The following MINDY3 variants were observed in gnomAD, a reference collection of about 807,000 sequenced individuals.
MINDY3 encodes ubiquitin carboxyl-terminal hydrolase MINDY-3.
Under a neutral mutation model 69.2 loss-of-function variants are expected in MINDY3, and 38 were observed. The ratio of observed to expected loss-of-function variants is 0.55; its 90% CI spans 0.42 to 0.72. The LOEUF (loss-of-function observed/expected upper bound fraction) is 0.72, where lower values mean the gene tolerates loss of function less well. Among genes scored for constraint, MINDY3 ranks in the 30% least tolerant of loss-of-function variants. The probability of loss-of-function intolerance (pLI) is 0.00; values close to 1 mark genes in which losing one functional copy is unlikely to be tolerated. For missense variants in MINDY3, 522 were observed against 519.0 expected (o/e 1.01, Z -0.06); for synonymous variants, 192 against 180.1 (o/e 1.07, Z -0.53).
rs563139029 is a variant in MINDY3, at chr10:15,852,443, G to A, written c.95-4500C>T. Among the ~76,000 whole-genome samples, 10 of 152,248 alleles carry A rather than the reference G, an allele frequency of 6.6e-5. No individual in the cohort carries two copies. The East Asian group carries it at 1.9e-3, about 29-fold the overall frequency. Reference sequence around the variant, plus strand: ...AATTTCAATCATCTTAAACATGTCAGTTAAAGTGAATGAGAACTTGTAAAA... The same window carrying A: ...AATTTCAATCATCTTAAACATGTCAATTAAAGTGAATGAGAACTTGTAAAA... On this transcript the variant is annotated intron_variant, in intron 1 of 14. Transcript: ENST00000277632.
chr10:15,808,734 T>A (rs1017342497), intron 10 of MINDY3, among the ~76,000 whole-genome samples: 4 of 152,084 alleles, frequency 2.6e-5, no homozygotes, highest in Non-Finnish European at 4.4e-5. Context: ...AAAGGAAAGG[T>A]CAAAGGTGAG....
At chr10:15,797,887 G>A (rs114800746) in intron 10 of MINDY3, among the ~76,000 whole-genome samples, 2,248 of 152,160 alleles carry the variant, frequency 0.015, 48 homozygotes, top group African/African-American at 0.049. Context: ...ATAAGCTTTA[G>A]CTCCCTTAAC....
intron 8 of MINDY3, among the ~76,000 whole-genome samples, chr10:15,825,566 TTC>T (rs1840032443): frequency 6.6e-6 from 1 of 152,184 alleles, no homozygotes; most frequent in Admixed American, 6.5e-5. Context: ...CTCATTCAGT[TTC>T]TGACTGCATT....
At chr10:15,801,568 C>T (rs1838261160) in intron 10 of MINDY3, among the ~76,000 whole-genome samples, 1 of 152,034 alleles carries the variant, frequency 6.6e-6, no homozygotes, top group Admixed American at 6.6e-5. Context: ...TGCCCTCAAA[C>T]ACAACATCAC....
intron 10 of MINDY3, among the ~76,000 whole-genome samples, chr10:15,807,519 A>C (rs1237463841): frequency 2.0e-5 from 3 of 152,122 alleles, no homozygotes; most frequent in Non-Finnish European, 4.4e-5. Flanking sequence ...TTAACCATAC[A>C]AGACCTTTTT....
intron 10 of MINDY3, among the ~76,000 whole-genome samples, chr10:15,814,021 C>A (rs1410435913): frequency 2.0e-5 from 3 of 150,492 alleles, no homozygotes; most frequent in African/African-American, 7.3e-5. Flanking sequence ...AAACCCACAG[C>A]CAAAACTGCT....
chr10:15,815,711 C>T (rs971783103), intron 10 of MINDY3, among the ~76,000 whole-genome samples: 2 of 152,144 alleles, frequency 1.3e-5, no homozygotes, highest in Non-Finnish European at 2.9e-5. Flanking sequence ...AAAATTTACT[C>T]AGCATTTAAT....
chr10:15,794,098 G>T (rs916393477), intron 11 of MINDY3, among the ~76,000 whole-genome samples: 1 of 152,006 alleles, frequency 6.6e-6, no homozygotes, highest in Non-Finnish European at 1.5e-5. Context: ...GTGAGATAAA[G>T]ATATAAAAAT....
At chr10:15,833,833 A>T (rs1832898375) in intron 7 of MINDY3, 124 bp from the exon 8 acceptor site, 4 of 682,838 alleles carry the variant, frequency 5.9e-6, no homozygotes, top group Non-Finnish European at 1.0e-5. Context: ...AAAGTTAGGG[A>T]AAACCTTACA....
At chr10:15,826,600 G>A (rs1840101569) in intron 8 of MINDY3, among the ~76,000 whole-genome samples, 1 of 152,132 alleles carries the variant, frequency 6.6e-6, no homozygotes, top group Non-Finnish European at 1.5e-5. Flanking sequence ...AACTGGAATA[G>A]ATAATGTAGA....
In MINDY3 at chr10:15,803,843, A is replaced by G. The variant is rs535957931; in HGVS notation, c.883-7671T>C. On this transcript the variant is annotated intron_variant, in intron 10 of 14. Transcript: ENST00000277632. ...CTACACTCCCCCACCACACACACAA[A>G]AAACCCCACGAATGATAATTAAGTA... Among the ~76,000 whole-genome samples the G allele has an allele frequency of 5.3e-5, 8 of 152,242 alleles. No homozygotes were observed. In the East Asian group the frequency reaches 1.5e-3, roughly 29 times the overall value.
rs1481233746 is a variant in MINDY3 at position 15,802,141 on chromosome 10, T to A, written c.883-5969A>T. Among the ~76,000 whole-genome samples, 3 of 152,000 alleles carry A rather than the reference T, an allele frequency of 2.0e-5. No individual in the cohort carries two copies. In the East Asian group the frequency reaches 5.8e-4, roughly 29 times the overall value. On this transcript the variant is annotated intron_variant, in intron 10 of 14. Transcript: ENST00000277632. ...CAGCCAACAACTGGCTACTAGTAGTTAAATTTTTGAGGGAGTCAAAAGTTG... is the reference window on the plus strand; with the variant it reads ...CAGCCAACAACTGGCTACTAGTAGTAAAATTTTTGAGGGAGTCAAAAGTTG...
intron 11 of MINDY3, among the ~76,000 whole-genome samples, chr10:15,793,888 AT>A (rs1210152699): frequency 6.6e-6 from 1 of 152,124 alleles, no homozygotes. Context: ...TACCAGGTTT[AT>A]GCTCCAAACG....
intron 11 of MINDY3, among the ~76,000 whole-genome samples, 187 bp downstream of exon 11, chr10:15,795,913 T>C (rs1837785100): frequency 6.6e-6 from 1 of 152,018 alleles, no homozygotes; most frequent in Admixed American, 6.6e-5. Context: ...GAAACCCAAC[T>C]CAACAAGGAC....
At chr10:15,807,958 T>TAA (rs1838746733) in intron 10 of MINDY3, among the ~76,000 whole-genome samples, 1 of 152,158 alleles carries the variant, frequency 6.6e-6, no homozygotes, top group African/African-American at 2.4e-5. Flanking sequence ...ATGAAAAGCT[T>TAA]TAGTATTATT....
intron 1 of MINDY3, among the ~76,000 whole-genome samples, chr10:15,848,662 AGAAAGAAAAAT>A (rs1834045299): frequency 2.0e-5 from 2 of 101,152 alleles, no homozygotes; most frequent in African/African-American, 7.4e-5. Context: ...AAAAAAAAAA[AGAAAGAAAAAT>A]TAAATGGCAT....
chr10:15,849,724 C>A (rs189255187), intron 1 of MINDY3, among the ~76,000 whole-genome samples: 5 of 152,222 alleles, frequency 3.3e-5, no homozygotes, highest in African/African-American at 1.2e-4. Flanking sequence ...GGGTGCCATT[C>A]CATCCCATCT....
At chr10:15,848,674 T>TAAAAAAAAAAAAAAAAA (rs1834048557) in intron 1 of MINDY3, among the ~76,000 whole-genome samples, 15 of 115,694 alleles carry the variant, frequency 1.3e-4, no homozygotes, top group African/African-American at 5.3e-4. Context: ...AAAGAAAAAT[T>TAAAAAAAAAAAAAAAAA]AAATGGCATT....
In MINDY3 at chr10:15,816,903, A is replaced by T. The variant is rs370002522; in HGVS notation, c.814T>A (p.Leu272Met). The change falls in exon 10 of 15, where the codon TTG becomes ATG. Residue 272 changes from leucine to methionine, a missense_variant. Transcript: ENST00000277632. Reference protein sequence around the residue: ...ALRYCKVGSYLKSPKFPIWIV... With the variant: ...ALRYCKVGSYMKSPKFPIWIV... ...CAAATAGGGAATTTTGGAGATTTCAAGTAAGAACCAACCTAGAACAAATGT... is the reference window on the plus strand; with the variant it reads ...CAAATAGGGAATTTTGGAGATTTCATGTAAGAACCAACCTAGAACAAATGT... The T allele has an allele frequency of 1.2e-6, 2 of 1,612,284 alleles. No individual in the cohort carries two copies. Among genetic ancestry groups the T allele is most frequent in the African/African-American group, 2.7e-5 (2 of 74,864 alleles).
Sources: gnomAD v4.1 joint callset for allele counts (sites outside exome capture counted in the v4.1 genomes callset) on GRCh38, gnomAD v4.1.1 for gene constraint, MANE v1.5 for transcripts, NCBI Gene and HGNC (gene_info 2026-07-23, HGNC 2026-07-21) for gene names.